SCML4: variants seen among roughly 807,000 people sequenced by gnomAD.
SCML4 encodes the protein Scm polycomb group protein like 4, also known as sex comb on midleg-like protein 4.
In SCML4, 34 loss-of-function variants were observed where a neutral mutation model predicts 41.1. That is an observed-to-expected ratio of 0.83 (90% CI 0.63 to 1.10). SCML4 has a LOEUF of 1.10. Ranked by LOEUF, SCML4 falls within the 50% of genes least tolerant of loss-of-function variation. The pLI is 0.00. For missense variants in SCML4, 522 were observed against 534.1 expected, an observed-to-expected ratio of 0.98 and a Z score of 0.22; for synonymous variants, 214 against 220.9, an observed-to-expected ratio of 0.97 and a Z score of 0.28.
intron 5 of SCML4, among the ~76,000 whole-genome samples, chr6:107,729,281 C>T (rs1228736928): frequency 6.6e-6 from 1 of 152,190 alleles, no homozygotes; most frequent in Non-Finnish European, 1.5e-5. Flanking sequence ...GAGAATCCCT[C>T]CTGGCCTCTT....
At chr6:107,795,145 C>T (rs1448971898) in intron 1 of SCML4, among the ~76,000 whole-genome samples, 1 of 152,128 alleles carries the variant, frequency 6.6e-6, no homozygotes. Flanking sequence ...ATACATCAAC[C>T]TTTCAATTGG....
At chr6:107,828,804 C>T (rs1263036549), upstream of SCML4, among the ~76,000 whole-genome samples, 1 of 152,162 alleles carries the variant, frequency 6.6e-6, no homozygotes, top group East Asian at 1.9e-4. Context: ...CTTGACTCCC[C>T]AGTCTGTCGC....
chr6:107,792,836 G>A (rs1224599988), intron 1 of SCML4, among the ~76,000 whole-genome samples: 1 of 152,120 alleles, frequency 6.6e-6, no homozygotes, highest in African/African-American at 2.4e-5. Context: ...TATTGCTAAT[G>A]ACAAACCTCA....
upstream of SCML4, among the ~76,000 whole-genome samples, chr6:107,825,946 A>AAG (rs1293839548): frequency 7.0e-6 from 1 of 142,168 alleles, no homozygotes; most frequent in East Asian, 2.1e-4. Context: ...CAAAAAAAAA[A>AAG]AAAAAAAAAA....
intron 5 of SCML4, among the ~76,000 whole-genome samples, chr6:107,744,524 C>T (rs1777885487): frequency 6.6e-6 from 1 of 152,174 alleles, no homozygotes; most frequent in Non-Finnish European, 1.5e-5. Context: ...CAGGCAGGAC[C>T]AACATCATCA....
At chr6:107,763,255 C>T (rs373460390) in intron 2 of SCML4, among the ~76,000 whole-genome samples, 1 of 152,122 alleles carries the variant, frequency 6.6e-6, no homozygotes, top group East Asian at 1.9e-4. Flanking sequence ...TTTGTGTACC[C>T]TCCAAAATTC....
chr6:107,735,281 G>A (rs1265536052), intron 5 of SCML4, among the ~76,000 whole-genome samples: 2 of 152,160 alleles, frequency 1.3e-5, no homozygotes, highest in Non-Finnish European at 2.9e-5. Flanking sequence ...TGCTCAGCTT[G>A]AGAATGAGAC....
At chr6:107,775,488 C>A (rs1442396267) in intron 1 of SCML4, among the ~76,000 whole-genome samples, 3 of 152,270 alleles carry the variant, frequency 2.0e-5, no homozygotes, top group East Asian at 3.9e-4. Flanking sequence ...GACGCCAGGG[C>A]CGGTTAATTT....
At chr6:107,774,152 A>G (rs1249727484) in intron 1 of SCML4, among the ~76,000 whole-genome samples, 1 of 152,194 alleles carries the variant, frequency 6.6e-6, no homozygotes, top group Non-Finnish European at 1.5e-5. Flanking sequence ...TTAGACAGAC[A>G]AGGTGTTCTG....
chr6:107,712,067 G>C (rs1774274834), intron 6 of SCML4, among the ~76,000 whole-genome samples: 1 of 151,674 alleles, frequency 6.6e-6, no homozygotes, highest in Admixed American at 6.6e-5. Flanking sequence ...ATGCACCCTG[G>C]AGCCATCTGA....
At chr6:107,795,208 T>G (rs1292654996) in intron 1 of SCML4, among the ~76,000 whole-genome samples, 1 of 152,232 alleles carries the variant, frequency 6.6e-6, no homozygotes, top group African/African-American at 2.4e-5. Context: ...AATTAACTCA[T>G]AAATTTAAAG....
intron 7 of SCML4, among the ~76,000 whole-genome samples, chr6:107,706,322 C>G (rs1340591517): frequency 1.3e-5 from 2 of 152,156 alleles, no homozygotes; most frequent in East Asian, 3.8e-4. Context: ...CAGCCAGACT[C>G]CCCCTGCCCA....
chr6:107,746,364 A>C, intron 4 of SCML4: 2 of 266,080 alleles, frequency 7.5e-6, no homozygotes, highest in Non-Finnish European at 7.0e-6. Flanking sequence ...GACTCCGGGT[A>C]TATTTTGAAG....
rs3734756 is a variant in SCML4, at chr6:107,721,012, C to T, written c.683-19G>A. On this transcript the variant is annotated intron_variant, in intron 5 of 7. Coordinates refer to ENST00000369020, the MANE Select transcript of SCML4 (RefSeq NM_198081.5). ...GTCTTGACTAAGCAATAAGGCAGTACAGAGAAGCAGATATCAGAGAGCAGT... is the reference window on the plus strand; with the variant it reads ...GTCTTGACTAAGCAATAAGGCAGTATAGAGAAGCAGATATCAGAGAGCAGT... 115,233 of 1,574,208 alleles carry T rather than the reference C, an allele frequency of 0.073. 5,454 individuals are homozygous for T. The highest frequency in any genetic ancestry group is 0.23 in the Admixed American group (12,453 of 54,896).
Position 107,772,234 on chromosome 6 carries a change from A to C in SCML4, c.94T>G (p.Ser32Ala). 1 of 1,551,640 alleles carries C rather than the reference A, an allele frequency of 6.4e-7. No homozygotes were observed. Among genetic ancestry groups the C allele is most frequent in the Non-Finnish European group, 8.7e-7 (1 of 1,146,982 alleles). Reference protein sequence around the residue: ...KMAVHNLYSASAGSLPAVKIP... With the variant: ...KMAVHNLYSAAAGSLPAVKIP... ...TTCACTGCTGGTAAAGAGCCAGCTG[A>C]AGCAGAATAAAGGTTATGAACTGCC... is the stretch of plus-strand genomic sequence containing the variant. The change falls in exon 2 of 8, where the codon TCA (serine) becomes GCA (alanine). Residue 32 changes from serine (S) to alanine (A), a missense_variant. Transcript: ENST00000369020.
chr6:107,796,683 G>T (rs898703645), intron 1 of SCML4, among the ~76,000 whole-genome samples: 5 of 152,080 alleles, frequency 3.3e-5, no homozygotes, highest in African/African-American at 1.2e-4. Flanking sequence ...TATGATTAGT[G>T]GTTTCTCTGC....
intron 3 of SCML4, 58 bp from the exon 4 acceptor site, chr6:107,746,947 G>A (rs1360267188): frequency 4.8e-6 from 7 of 1,470,886 alleles, no homozygotes; most frequent in South Asian, 3.7e-5. Context: ...GCCAGCTGGC[G>A]GCCTCTGTGT....
chr6:107,833,580 A>G, the SCML4 span, among the ~76,000 whole-genome samples: 744 of 152,224 alleles, frequency 4.9e-3, 4 homozygotes, highest in Middle Eastern at 0.017. Context: ...CCTACCAGTG[A>G]CCAAAACCAG....
At chr6:107,716,673 G>A (rs1283083115) in intron 6 of SCML4, among the ~76,000 whole-genome samples, 1 of 152,098 alleles carries the variant, frequency 6.6e-6, no homozygotes, top group Non-Finnish European at 1.5e-5. Context: ...AGGAGGGAGT[G>A]AGCATTTCTG....
Sources: gnomAD v4.1 joint callset for allele counts (sites outside exome capture counted in the v4.1 genomes callset) on GRCh38, gnomAD v4.1.1 for gene constraint, MANE v1.5 for transcripts, NCBI Gene and HGNC (gene_info 2026-07-23, HGNC 2026-07-21) for gene names.